The following KIF13A variants were observed in gnomAD, a reference collection of about 807,000 sequenced individuals.
KIF13A encodes kinesin family member 13A, also known as kinesin-like protein KIF13A.
In KIF13A, 79 loss-of-function variants were observed where a neutral mutation model predicts 212.2. The observed-to-expected ratio is 0.37, with a 90% CI of 0.31 to 0.45. KIF13A has a LOEUF of 0.45. Among genes scored for constraint, KIF13A ranks in the 20% least tolerant of loss-of-function variants. KIF13A has a pLI of 1.00. For synonymous variants in KIF13A, 789 were observed against 808.6 expected, an observed-to-expected ratio of 0.98 and a Z score of 0.41; for missense variants, 1,901 against 2,209.0, an observed-to-expected ratio of 0.86 and a Z score of 2.79.
rs772749452 is a variant in KIF13A, at chr6:17,825,592, C to T, written c.1786+176G>A. Among the ~76,000 whole-genome samples, 7 of 152,156 alleles carry T rather than the reference C, an allele frequency of 4.6e-5. No individual in the cohort carries two copies. The highest frequency in any genetic ancestry group is 7.2e-5 in the African/African-American group (3 of 41,424). The stretch of plus-strand genomic sequence containing the variant: ...TCCTCATTGTAACTGAGGGAGAAGA[C>T]CATCTCCCCCACATCTTGTCATTAG... On this transcript the variant is annotated intron_variant, in intron 16 of 38. Transcript: ENST00000259711. This position sits in a 1 kb window ranked among gnomAD's most constrained non-coding sequence, Gnocchi z 4.5.
chr6:17,784,521 T>C (rs1760882173), intron 28 of KIF13A, among the ~76,000 whole-genome samples: 1 of 152,230 alleles, frequency 6.6e-6, no homozygotes, highest in African/African-American at 2.4e-5. Flanking sequence ...TGCAAATTCT[T>C]ATTTAAAAAA....
intron 4 of KIF13A, among the ~76,000 whole-genome samples, chr6:17,870,172 T>A (rs1197609096): frequency 6.6e-6 from 1 of 152,244 alleles, no homozygotes; most frequent in Non-Finnish European, 1.5e-5. Context: ...AGTATTTGTA[T>A]GATAATGGGA....
intron 4 of KIF13A, among the ~76,000 whole-genome samples, chr6:17,869,019 A>AAAAAAAAAAAAAAAACAAAAAC (rs1554187445): frequency 7.9e-6 from 1 of 126,514 alleles, no homozygotes; most frequent in Non-Finnish European, 1.7e-5. Flanking sequence ...AAAAAAAAAA[A>AAAAAAAAAAAAAAAACAAAAAC]ACACAAATAA....
Position 17,850,111 on chromosome 6 carries a change from GC to G in KIF13A, c.717+211del, listed in dbSNP as rs1441452226. Among the ~76,000 whole-genome samples the G allele has an allele frequency of 6.6e-6, 1 of 152,156 alleles. No homozygotes were observed. Among genetic ancestry groups the G allele is most frequent in the African/African-American group, 2.4e-5 (1 of 41,440 alleles). ...CAAAATGCTGGAATTACAGGCAGGA[GC>G]CACTGCACCAGGCCAAAATCCAATT... is the stretch of plus-strand genomic sequence containing the variant. On this transcript the variant is annotated intron_variant, in intron 8 of 38. Transcript: ENST00000259711. This position sits in a 1 kb window ranked among gnomAD's most constrained non-coding sequence, Gnocchi z 6.2.
intron 18 of KIF13A, among the ~76,000 whole-genome samples, chr6:17,807,360 G>C (rs761333667): frequency 3.3e-5 from 5 of 151,980 alleles, no homozygotes; most frequent in African/African-American, 4.8e-5. Context: ...AATGCATTGT[G>C]GGGGGAGGTC....
intron 33 of KIF13A, among the ~76,000 whole-genome samples, chr6:17,778,338 A>C (rs911699489): frequency 3.9e-5 from 6 of 152,160 alleles, no homozygotes; most frequent in African/African-American, 1.4e-4. Context: ...ATTTCCACTA[A>C]GGGAAGATTT....
Position 17,886,844 on chromosome 6 carries a change from C to A in KIF13A, c.159+11324G>T, listed in dbSNP as rs966609645. 2.0e-5 allele frequency among the ~76,000 whole-genome samples: 3 copies of A among 151,826 alleles called. No individual in the cohort carries two copies. Among genetic ancestry groups the A allele is most frequent in the Admixed American group, 2.0e-4 (3 of 15,248 alleles). On this transcript the variant is annotated intron_variant, in intron 3 of 38. Coordinates refer to ENST00000259711, the MANE Select transcript of KIF13A (RefSeq NM_022113.6). This position sits in a 1 kb window ranked among gnomAD's most constrained non-coding sequence, Gnocchi z 5.6. ...CCACAACTACTAACAACCACCACCA[C>A]CACCCTATGTTTCTGAGGATTGTTT... is the stretch of plus-strand genomic sequence containing the variant.
chr6:17,855,534 T>C lies in KIF13A; in HGVS notation c.397A>G (p.Ile133Val), dbSNP rs778132880. The C allele has an allele frequency of 3.1e-6, 5 of 1,613,778 alleles. No individual in the cohort carries two copies. Among genetic ancestry groups the C allele is most frequent in the Non-Finnish European group, 3.4e-6 (4 of 1,179,750 alleles). The change falls in exon 6 of 39, where the codon ATC (isoleucine) becomes GTC (valine). Residue 133 changes from isoleucine (I) to valine (V), a missense_variant. Ile to Val is a conservative substitution (Grantham distance 29, BLOSUM62 3). This residue lies in a region of KIF13A where 506 missense variants were observed against 637.4 expected (regional missense o/e 0.79). Coordinates refer to ENST00000259711, the MANE Select transcript of KIF13A (RefSeq NM_022113.6). This position sits in a 1 kb window ranked among gnomAD's most constrained non-coding sequence, Gnocchi z 4.1. The stretch of plus-strand genomic sequence containing the variant: ...TGTGACTCATTTTGCTCCAAAGAGA[T>C]CCTTTTAAATAAAGCACAGCAGAGC... ...PRLCCALFKR[I>V]SLEQNESQTF...
Position 17,796,294 on chromosome 6 carries a change from C to T in KIF13A, c.2942+375G>A, listed in dbSNP as rs140761381. ...TTGGCTCACTGAAACCTCCAGCTCCCGGGTTTTATTTATTTATAAATAATT... is the reference window on the plus strand; with the variant it reads ...TTGGCTCACTGAAACCTCCAGCTCCTGGGTTTTATTTATTTATAAATAATT... On this transcript the variant is annotated intron_variant, in intron 23 of 38. Coordinates refer to ENST00000259711, the MANE Select transcript of KIF13A (RefSeq NM_022113.6). Among the ~76,000 whole-genome samples the T allele has an allele frequency of 3.2e-3, 480 of 148,248 alleles. 3 individuals carry two copies. Among genetic ancestry groups the T allele is most frequent in the Middle Eastern group, 0.014 (4 of 290 alleles).
At chr6:17,842,368 T>C (rs1766611627) in intron 9 of KIF13A, among the ~76,000 whole-genome samples, 2 of 152,058 alleles carry the variant, frequency 1.3e-5, no homozygotes, top group African/African-American at 4.8e-5. Context: ...CATATTTTTA[T>C]GAATTATTTT....
intron 12 of KIF13A, among the ~76,000 whole-genome samples, chr6:17,833,014 CAAAAAAAAAAAAAAAAA>C (rs61281213): frequency 1.1e-4 from 8 of 75,396 alleles, no homozygotes; most frequent in African/African-American, 1.4e-4. Flanking sequence ...ACTCTGTCTG[CAAAAAAAAAAAAAAAAA>C]AAAAAAAAAA....
rs1230163418 is a variant in KIF13A, at chr6:17,799,882, A to C, written c.2616+70T>G. The C allele has an allele frequency of 4.6e-6, 7 of 1,536,262 alleles. No homozygotes were observed. Among genetic ancestry groups the C allele is most frequent in the Non-Finnish European group, 6.2e-6 (7 of 1,130,492 alleles). On this transcript the variant is annotated intron_variant, in intron 21 of 38. Coordinates refer to ENST00000259711, the MANE Select transcript of KIF13A (RefSeq NM_022113.6). The surrounding 1 kb of genome is among the most constrained non-coding windows in gnomAD (Gnocchi z 4.4). ...ACTACCCTGGATGAAAAACTCTCATAAGATTTTTTGTAAAATGGTTTTGCA... is the reference window on the plus strand; with the variant it reads ...ACTACCCTGGATGAAAAACTCTCATCAGATTTTTTGTAAAATGGTTTTGCA...
At chr6:17,977,332 TGTA>T (rs1780655630) in intron 2 of KIF13A, among the ~76,000 whole-genome samples, 1 of 152,200 alleles carries the variant, frequency 6.6e-6, no homozygotes, top group African/African-American at 2.4e-5. Context: ...TTCACTATAA[TGTA>T]AGAGAATAGT....
rs937943961 is a variant in KIF13A, at chr6:17,914,385, T to C, written c.147-16205A>G. Among the ~76,000 whole-genome samples the C allele has an allele frequency of 6.6e-6, 1 of 151,874 alleles. No individual in the cohort carries two copies. Among genetic ancestry groups the C allele is most frequent in the Non-Finnish European group, 1.5e-5 (1 of 67,964 alleles). On this transcript the variant is annotated intron_variant, in intron 2 of 38. Coordinates refer to ENST00000259711, the MANE Select transcript of KIF13A (RefSeq NM_022113.6). This position sits in a 1 kb window ranked among gnomAD's most constrained non-coding sequence, Gnocchi z 5.9. ...TATGCAATCAACCAGTTAATATAAT[T>C]AAAAAAAATTACAATAAAATACAAA...
At chr6:17,833,014 CAAAAAAAAAAAAAAA>C (rs61281213) in intron 12 of KIF13A, among the ~76,000 whole-genome samples, 5 of 75,378 alleles carry the variant, frequency 6.6e-5, no homozygotes, top group Admixed American at 1.3e-4. Context: ...ACTCTGTCTG[CAAAAAAAAAAAAAAA>C]AAAAAAAAAA....
intron 11 of KIF13A, among the ~76,000 whole-genome samples, chr6:17,836,010 A>G (rs1399925382): frequency 6.6e-6 from 1 of 152,200 alleles, no homozygotes; most frequent in African/African-American, 2.4e-5. Context: ...GACTTAAACT[A>G]AGGCACTTGG....
At position 17,930,099 on chromosome 6, in the gene KIF13A, C is replaced by T. The variant is rs948839917; in HGVS notation, c.147-31919G>A. Among the ~76,000 whole-genome samples the T allele has an allele frequency of 3.9e-5, 6 of 152,160 alleles. No individual in the cohort carries two copies. In the South Asian group the frequency reaches 8.3e-4, roughly 21 times the overall value. On this transcript the variant is annotated intron_variant, in intron 2 of 38. Transcript: ENST00000259711. The stretch of plus-strand genomic sequence containing the variant: ...TTGTGAAGTGTATTATCCTTTTGCT[C>T]TCTGAAGGATAAAAGGACTTAACAG...
rs569234228 is a variant in KIF13A at position 17,916,793 on chromosome 6, T to A, written c.147-18613A>T. Among the ~76,000 whole-genome samples, 306 of 152,278 alleles carry A rather than the reference T, an allele frequency of 2.0e-3. 1 individual carries two copies. The highest frequency in any genetic ancestry group is 7.1e-3 in the African/African-American group (293 of 41,556). Reference sequence around the variant, plus strand: ...ATTTAGTTTAGAGGAGAGCCCCAGGTATGAACAAGTGGCATTAAACTTTGC... The same window carrying A: ...ATTTAGTTTAGAGGAGAGCCCCAGGAATGAACAAGTGGCATTAAACTTTGC... On this transcript the variant is annotated intron_variant, in intron 2 of 38. Transcript: ENST00000259711.
Position 17,799,732 on chromosome 6 carries a change from C to G in KIF13A, c.2616+220G>C, listed in dbSNP as rs1403257689. 6.6e-6 allele frequency among the ~76,000 whole-genome samples: 1 copy of G among 152,186 alleles called. No individual in the cohort carries two copies. Among genetic ancestry groups the G allele is most frequent in the East Asian group, 1.9e-4 (1 of 5,204 alleles). ...AACATAATTCACTAAGCAACATACA[C>G]TTCTTGCATGTCAAATACATAAACA... is the stretch of plus-strand genomic sequence containing the variant. On this transcript the variant is annotated intron_variant, in intron 21 of 38. Transcript: ENST00000259711. The surrounding 1 kb of genome is among the most constrained non-coding windows in gnomAD (Gnocchi z 4.4).
Sources: allele counts gnomAD v4.1 joint callset (sites outside exome capture counted in the v4.1 genomes callset), GRCh38; gene constraint gnomAD v4.1.1; regional missense constraint gnomAD v4.1.1; non-coding constraint Gnocchi (gnomAD v3.1); transcripts MANE v1.5; gene names NCBI Gene and HGNC (gene_info 2026-07-23, HGNC 2026-07-21).